CHAC2: variants seen among roughly 807,000 people sequenced by gnomAD.
CHAC2 encodes the protein ChaC glutathione specific gamma-glutamylcyclotransferase 2.
CHAC2 carries 20 observed loss-of-function variants against 16.9 expected under a neutral mutation model. The ratio of observed to expected loss-of-function variants is 1.18; its 90% confidence interval spans 0.83 to 1.72. The LOEUF is 1.72. Ranked by LOEUF, CHAC2 falls within the 40% of genes most tolerant of loss-of-function variation. The pLI is 0.00. For missense variants in CHAC2, 269 were observed against 222.2 expected (o/e 1.21, Z -1.34); for synonymous variants, 91 against 77.3 (o/e 1.18, Z -0.93).
At chr2:53,774,072 G>T in intron 2 of CHAC2, 70 bp from the exon 3 acceptor site, 1 of 1,428,026 alleles carries the variant, frequency 7.0e-7, no homozygotes, top group Non-Finnish European at 9.5e-7. Context: ...TACTCCCTTA[G>T]ATCACAACCT....
intron 2 of CHAC2, among the ~76,000 whole-genome samples, 199 bp from the exon 3 acceptor site, chr2:53,773,943 G>A (rs986016221): frequency 1.3e-5 from 2 of 152,076 alleles, no homozygotes; most frequent in African/African-American, 4.8e-5. Flanking sequence ...GCTGAGGCAG[G>A]AGAATAGCTT....
chr2:53,771,572 C>T (rs964261325), intron 1 of CHAC2, among the ~76,000 whole-genome samples: 7 of 151,984 alleles, frequency 4.6e-5, no homozygotes, highest in Admixed American at 6.6e-5. Context: ...AAGGGAAAAA[C>T]CAGAATATTT....
intron 1 of CHAC2, chr2:53,768,300 C>T (rs1402185043): frequency 7.9e-6 from 3 of 380,846 alleles, no homozygotes; most frequent in Admixed American, 4.0e-5. Context: ...AGGCTGAGTG[C>T]GGAGATGGGG....
intron 1 of CHAC2, 102 bp from the exon 2 acceptor site, chr2:53,771,805 C>A: frequency 2.7e-6 from 2 of 744,062 alleles, no homozygotes; most frequent in South Asian, 1.6e-5. Context: ...TTCTTATGAG[C>A]AAATATAATT....
intron 1 of CHAC2, 122 bp downstream of exon 1, chr2:53,768,143 T>G: frequency 8.7e-7 from 1 of 1,143,492 alleles, no homozygotes; most frequent in Non-Finnish European, 1.2e-6. Flanking sequence ...AGCACATGGC[T>G]TGGGGTAACA....
Position 53,767,865 on chromosome 2 carries a change from G to C in CHAC2, c.-22G>C. On this transcript the variant is annotated 5_prime_UTR_variant, in exon 1 of 3. Coordinates refer to ENST00000295304, the MANE Select transcript of CHAC2 (RefSeq NM_001008708.4). The stretch of plus-strand genomic sequence containing the variant: ...GCGACAGCTAGGGTTCACGGCCACT[G>C]GGGCAGAGGAGCCGCGAGAAGATGT... 2 of 1,594,442 alleles carry C rather than the reference G, an allele frequency of 1.3e-6. No homozygotes were observed. Among genetic ancestry groups the C allele is most frequent in the South Asian group, 2.3e-5 (2 of 88,542 alleles).
intron 2 of CHAC2, 71 bp downstream of exon 2, chr2:53,772,013 G>C: frequency 1.1e-6 from 1 of 877,632 alleles, no homozygotes; most frequent in South Asian, 1.7e-5. Context: ...GTTTCAATTT[G>C]ATTAACAATC....
chr2:53,768,276 C>T (rs1182801237), intron 1 of CHAC2: 2 of 436,124 alleles, frequency 4.6e-6, no homozygotes, highest in Non-Finnish European at 8.2e-6. Context: ...GGCACAGGCG[C>T]ACGAGCTCGC....
intron 1 of CHAC2, 119 bp downstream of exon 1, chr2:53,768,140 G>C: frequency 3.4e-6 from 4 of 1,163,950 alleles, no homozygotes; most frequent in Non-Finnish European, 4.7e-6. Flanking sequence ...CAAAGCACAT[G>C]GCTTGGGGTA....
intron 2 of CHAC2, among the ~76,000 whole-genome samples, chr2:53,773,296 T>C (rs887938884): frequency 1.5e-4 from 23 of 152,188 alleles, no homozygotes; most frequent in Non-Finnish European, 3.1e-4. Flanking sequence ...AAAAAAATTT[T>C]TTTAAGATAA....
intron 2 of CHAC2, among the ~76,000 whole-genome samples, 181 bp from the exon 3 acceptor site, chr2:53,773,961 G>C (rs1674141746): frequency 6.6e-6 from 1 of 152,108 alleles, no homozygotes; most frequent in Non-Finnish European, 1.5e-5. Flanking sequence ...CTTGAACCCG[G>C]GAGGCTGAGG....
At chr2:53,767,789 C>G (rs999796821), upstream of CHAC2, 2 of 1,477,324 alleles carry the variant, frequency 1.4e-6, no homozygotes, top group East Asian at 2.5e-5. Context: ...GCGCCTGCGC[C>G]CCGCGCGGCC....
chr2:53,768,058 CT>C (rs1673616263), intron 1 of CHAC2, 37 bp downstream of exon 1: 14 of 1,606,458 alleles, frequency 8.7e-6, no homozygotes, highest in Admixed American at 1.7e-5. Context: ...TTACTGCCCC[CT>C]GACCCCTGCT....
intron 2 of CHAC2, among the ~76,000 whole-genome samples, chr2:53,772,306 C>T (rs1038008984): frequency 2.6e-5 from 4 of 152,084 alleles, no homozygotes; most frequent in Admixed American, 2.6e-4. Context: ...TCCCAAGTAG[C>T]TGGGACTACA....
upstream of CHAC2, chr2:53,767,796 G>C: frequency 6.7e-7 from 1 of 1,489,624 alleles, no homozygotes; most frequent in Non-Finnish European, 9.0e-7. Flanking sequence ...CGCCCCGCGC[G>C]GCCGGTTACT....
chr2:53,774,291 G>A lies in CHAC2; in HGVS notation c.321G>A (p.Leu107=), dbSNP rs1347621844. The change falls in exon 3 of 3, where the codon TTG becomes TTA. Residue 107 remains leucine, a synonymous_variant. Transcript: ENST00000295304. ...KDPTTKPFSV[L]LYIGTCDNPD... is the part of the protein sequence containing the mutation. ...CCACAACAAAACCATTCAGTGTATT[G>A]CTATATATTGGAACATGTGATAATC... 8 of 1,614,096 alleles carry A rather than the reference G, an allele frequency of 5.0e-6. No homozygotes were observed. The highest frequency in any genetic ancestry group is 2.5e-6 in the Non-Finnish European group (3 of 1,180,012).
chr2:53,768,215 G>A (rs1277909038), intron 1 of CHAC2, 194 bp downstream of exon 1: 8 of 621,100 alleles, frequency 1.3e-5, no homozygotes, highest in Middle Eastern at 9.1e-4. Context: ...CACTCCTTCC[G>A]AAGCTGCTTA....
intron 2 of CHAC2, among the ~76,000 whole-genome samples, chr2:53,772,276 G>A (rs1173017695): frequency 6.6e-6 from 1 of 152,048 alleles, no homozygotes; most frequent in African/African-American, 2.4e-5. Context: ...CCGGGTTCAC[G>A]CCATTCTCCT....
At chr2:53,770,908 A>G (rs1249041823) in intron 1 of CHAC2, among the ~76,000 whole-genome samples, 2 of 152,238 alleles carry the variant, frequency 1.3e-5, no homozygotes, top group Non-Finnish European at 2.9e-5. Flanking sequence ...CACCATTACC[A>G]TATACAGAAA....
Sources: gnomAD v4.1 joint callset for allele counts (sites outside exome capture counted in the v4.1 genomes callset) on GRCh38, gnomAD v4.1.1 for gene constraint, MANE v1.5 for transcripts, NCBI Gene and HGNC (gene_info 2026-07-23, HGNC 2026-07-21) for gene names.